LDAH: variants seen among roughly 807,000 people sequenced by gnomAD.
The protein encoded by LDAH is lipid droplet associated hydrolase.
LDAH carries 26 observed loss-of-function variants against 29.6 expected under a neutral mutation model. That is an observed-to-expected ratio of 0.88 (90% confidence interval 0.64 to 1.22). LDAH has a LOEUF of 1.22. Among genes scored for constraint, LDAH ranks in the 50% most tolerant of loss-of-function variants. LDAH has a pLI of 0.00. For synonymous variants in LDAH, 117 were observed against 133.0 expected (o/e 0.88, Z 0.83); for missense variants, 344 against 387.3 (o/e 0.89, Z 0.94).
At chr2:20,766,815 T>C (rs1669072066) in intron 4 of LDAH, among the ~76,000 whole-genome samples, 1 of 152,092 alleles carries the variant, frequency 6.6e-6, no homozygotes, top group African/African-American at 2.4e-5. Context: ...GCAATGGCGG[T>C]GGTGGGTCCC....
At position 20,685,034 on chromosome 2, in the gene LDAH, G is replaced by C; in HGVS notation, c.*1869C>G. On this transcript the variant is annotated 3_prime_UTR_variant, in exon 7 of 7. Transcript: ENST00000237822. ...TGTACCCTCTCTTGCCCAACACAGA[G>C]ATCAGGCCAGACCAGGTCAGAAATG... The C allele has an allele frequency of 8.7e-6, 12 of 1,382,690 alleles. No homozygotes were observed. Among genetic ancestry groups the C allele is most frequent in the Non-Finnish European group, 1.1e-5 (11 of 1,024,720 alleles). 85.7% of individuals were successfully genotyped at this position (1,382,690 alleles called of 1,614,324 possible). A position where few individuals can be genotyped will look rare whatever the true frequency, so the allele number is the denominator to read the frequency against.
chr2:20,685,045 A>C lies in LDAH; in HGVS notation c.*1858T>G. 8.1e-7 allele frequency: 1 copy of C among 1,234,142 alleles called. No individual in the cohort carries two copies. The highest frequency in any genetic ancestry group is 1.1e-6 in the Non-Finnish European group (1 of 924,076). 76.4% of individuals were successfully genotyped at this position (1,234,142 alleles called of 1,614,324 possible). On this transcript the variant is annotated 3_prime_UTR_variant, in exon 7 of 7. Transcript: ENST00000237822. ...TTGCCCAACACAGAGATCAGGCCAG[A>C]CCAGGTCAGAAATGCTGGTAAAACA...
intron 1 of LDAH, among the ~76,000 whole-genome samples, chr2:20,808,677 A>G (rs1672258785): frequency 6.6e-6 from 1 of 151,784 alleles, no homozygotes; most frequent in East Asian, 1.9e-4. Context: ...AAAAAAAAGA[A>G]TAGCCAAGAC....
At chr2:20,769,815 T>C (rs905693200) in intron 4 of LDAH, among the ~76,000 whole-genome samples, 2 of 152,180 alleles carry the variant, frequency 1.3e-5, no homozygotes, top group African/African-American at 4.8e-5. Context: ...TACTCCTTTA[T>C]CTATTTAGGA....
At chr2:20,725,407 G>C (rs1392368527) in intron 5 of LDAH, among the ~76,000 whole-genome samples, 2 of 152,190 alleles carry the variant, frequency 1.3e-5, no homozygotes, top group Non-Finnish European at 2.9e-5. Flanking sequence ...ATAAACGGTA[G>C]ACCTCACTGT....
At chr2:20,735,289 A>G (rs962094954) in intron 5 of LDAH, among the ~76,000 whole-genome samples, 10 of 152,070 alleles carry the variant, frequency 6.6e-5, no homozygotes, top group African/African-American at 2.4e-4. Context: ...CAGGTCCCTG[A>G]GGTTCTGTTC....
intron 5 of LDAH, among the ~76,000 whole-genome samples, chr2:20,720,644 A>G (rs974224214): frequency 6.6e-6 from 1 of 152,102 alleles, no homozygotes; most frequent in African/African-American, 2.4e-5. Context: ...TGGAATCCCA[A>G]AAGACGCCGA....
At chr2:20,757,416 A>G (rs1177882960) in intron 4 of LDAH, among the ~76,000 whole-genome samples, 1 of 152,196 alleles carries the variant, frequency 6.6e-6, no homozygotes, top group Non-Finnish European at 1.5e-5. Flanking sequence ...CAATGGCATC[A>G]AAGTGACCTA....
intron 4 of LDAH, among the ~76,000 whole-genome samples, chr2:20,762,208 TA>T (rs1360683593): frequency 6.6e-6 from 1 of 152,152 alleles, no homozygotes; most frequent in Admixed American, 6.5e-5. Flanking sequence ...AATTTTTTGT[TA>T]TAATAGATAA....
intron 1 of LDAH, among the ~76,000 whole-genome samples, chr2:20,811,162 C>T (rs952024149): frequency 1.3e-5 from 2 of 151,686 alleles, no homozygotes; most frequent in Non-Finnish European, 2.9e-5. Context: ...GGACTACAGG[C>T]GCCCGCCACC....
intron 4 of LDAH, among the ~76,000 whole-genome samples, chr2:20,750,723 T>C (rs1056947264): frequency 1.3e-5 from 2 of 152,244 alleles, no homozygotes; most frequent in Non-Finnish European, 2.9e-5. Flanking sequence ...TTCATTGTTG[T>C]GCTATTCACA....
At chr2:20,697,570 C>T (rs1663581207) in intron 6 of LDAH, among the ~76,000 whole-genome samples, 1 of 152,186 alleles carries the variant, frequency 6.6e-6, no homozygotes, top group South Asian at 2.1e-4. Flanking sequence ...AATGTTTTGA[C>T]TGTCACCCTG....
At chr2:20,694,415 G>A (rs1308865121) in intron 6 of LDAH, among the ~76,000 whole-genome samples, 2 of 152,176 alleles carry the variant, frequency 1.3e-5, no homozygotes, top group East Asian at 3.8e-4. Flanking sequence ...ATCCCTGTTG[G>A]GGACACAGGC....
chr2:20,731,685 C>T (rs115104520), intron 5 of LDAH, among the ~76,000 whole-genome samples: 4,290 of 151,986 alleles, frequency 0.028, 204 homozygotes, highest in African/African-American at 0.099. Context: ...TTAATTTTTC[C>T]GACTGGCTAA....
chr2:20,688,652 G>A (rs966395940), intron 6 of LDAH, among the ~76,000 whole-genome samples: 10 of 152,050 alleles, frequency 6.6e-5, no homozygotes, highest in Admixed American at 3.9e-4. Context: ...AGATGAGACT[G>A]ATCTTACGAA....
chr2:20,708,621 A>T (rs1029862120), intron 5 of LDAH, among the ~76,000 whole-genome samples: 2 of 152,250 alleles, frequency 1.3e-5, no homozygotes, highest in Non-Finnish European at 2.9e-5. Flanking sequence ...GGACAAGTGG[A>T]TATACATGTG....
At chr2:20,750,626 A>C (rs1667904317) in intron 4 of LDAH, among the ~76,000 whole-genome samples, 2 of 152,266 alleles carry the variant, frequency 1.3e-5, no homozygotes, top group Admixed American at 1.3e-4. Flanking sequence ...CATACAGCAA[A>C]GTTTGCATTA....
chr2:20,811,998 G>C (rs1672535336), intron 1 of LDAH, among the ~76,000 whole-genome samples: 2 of 152,258 alleles, frequency 1.3e-5, no homozygotes, highest in Non-Finnish European at 1.5e-5. Flanking sequence ...AAGGGAAAGG[G>C]GCAGAGATGA....
rs35921690 is a variant in LDAH, at chr2:20,801,930, ATGTGTGTGTGTGTG to A, written c.-2-479_-2-466del. 1.5e-3 allele frequency among the ~76,000 whole-genome samples: 204 copies of A among 140,218 alleles called. 3 individuals are homozygous for A. In the South Asian group the frequency reaches 0.04, roughly 28 times the overall value. The allele number at this position is 140,218 out of a possible 152,430, so 92.0% of individuals were successfully genotyped here. On this transcript the variant is annotated intron_variant, in intron 1 of 6. Coordinates refer to ENST00000237822, the MANE Select transcript of LDAH (RefSeq NM_021925.4). ...TTACTCTTCTCTTCTCCCAAATTCT[ATGTGTGTGTGTGTG>A]TGTGTGTGTGTGTATGTGTGTGTGT... is the stretch of plus-strand genomic sequence containing the variant.
Sources: gnomAD v4.1 joint callset for allele counts (sites outside exome capture counted in the v4.1 genomes callset) on GRCh38, gnomAD v4.1.1 for gene constraint, MANE v1.5 for transcripts, NCBI Gene and HGNC (gene_info 2026-07-23, HGNC 2026-07-21) for gene names.